The following MAPK6 variants were observed in gnomAD, a reference collection of about 807,000 sequenced individuals.
MAPK6 encodes the protein mitogen-activated protein kinase 6.
MAPK6 carries 19 observed loss-of-function variants against 59.3 expected under a neutral mutation model. The observed-to-expected ratio is 0.32, with a 90% CI of 0.22 to 0.47. The LOEUF is 0.47. Ranked by LOEUF, MAPK6 falls within the 20% of genes least tolerant of loss-of-function variation. The pLI is 1.00. For missense variants in MAPK6, 724 were observed against 847.9 expected, an observed-to-expected ratio of 0.85 and a Z score of 1.81; for synonymous variants, 316 against 290.3, an observed-to-expected ratio of 1.09 and a Z score of -0.90.
intron 1 of MAPK6, among the ~76,000 whole-genome samples, chr15:51,977,249 C>T (rs1173933128): frequency 6.6e-6 from 1 of 151,688 alleles, no homozygotes; most frequent in Non-Finnish European, 1.5e-5. Flanking sequence ...GCAATCCATC[C>T]ACCTTGGCCT....
chr15:51,999,460 T>C lies in MAPK6; in HGVS notation c.-769-4805T>C, dbSNP rs142025861. Among the ~76,000 whole-genome samples the C allele has an allele frequency of 7.1e-4, 108 of 152,348 alleles. 1 individual carries two copies. The highest frequency in any genetic ancestry group is 2.4e-3 in the African/African-American group (101 of 41,582). On this transcript the variant is annotated intron_variant, in intron 2 of 7. Transcript: ENST00000691380. ...AGAAATGTCTATCAAATCCTTTGCC[T>C]ATTGTAAAAATGAGTTATTTATTTT...
intron 2 of MAPK6, among the ~76,000 whole-genome samples, chr15:51,992,679 T>C (rs1201060435): frequency 6.6e-6 from 1 of 152,060 alleles, no homozygotes; most frequent in African/African-American, 2.4e-5. Flanking sequence ...AGCTATAAAG[T>C]GGGGTTTCCA....
At chr15:51,978,371 T>C (rs2057163098) in intron 1 of MAPK6, among the ~76,000 whole-genome samples, 1 of 151,866 alleles carries the variant, frequency 6.6e-6, no homozygotes, top group South Asian at 2.1e-4. Context: ...TGACCTCAGG[T>C]GATCCACCGG....
intron 1 of MAPK6, among the ~76,000 whole-genome samples, chr15:52,020,885 G>A (rs2030502173): frequency 6.6e-6 from 1 of 152,120 alleles, no homozygotes; most frequent in African/African-American, 2.4e-5. Flanking sequence ...ATTCATTGAT[G>A]TCCTGAATTC....
chr15:51,985,075 A>T (rs1448691054), intron 2 of MAPK6, among the ~76,000 whole-genome samples: 4 of 152,238 alleles, frequency 2.6e-5, no homozygotes, highest in African/African-American at 9.6e-5. Flanking sequence ...AAAATTGTTG[A>T]CTGAGTGTGG....
chr15:52,030,831 A>G lies in MAPK6; in HGVS notation c.-632+11455A>G, dbSNP rs1253128486. ...TTTTGAGACAGGCTCTCAGTCTGTTACCCAGGCTGGAATGCAGTGGCGTGA... is the reference window on the plus strand; with the variant it reads ...TTTTGAGACAGGCTCTCAGTCTGTTGCCCAGGCTGGAATGCAGTGGCGTGA... On this transcript the variant is annotated intron_variant, in intron 1 of 5. Coordinates refer to ENST00000261845, the MANE Select transcript of MAPK6 (RefSeq NM_002748.4). 2.1e-5 allele frequency among the ~76,000 whole-genome samples: 3 copies of G among 143,074 alleles called. No homozygotes were observed. The East Asian group carries it at 6.1e-4, about 29-fold the overall frequency. The allele number at this position is 143,074 out of a possible 152,430, so 93.9% of individuals were successfully genotyped here.
At chr15:52,049,669 C>G (rs1214082593) in intron 2 of MAPK6, among the ~76,000 whole-genome samples, 1 of 147,740 alleles carries the variant, frequency 6.8e-6, no homozygotes, top group East Asian at 2.0e-4. Flanking sequence ...GGGCGGAGTG[C>G]AGTGGCACAA....
At chr15:52,010,160 G>A (rs1179247759) in intron 3 of MAPK6, among the ~76,000 whole-genome samples, 2 of 152,074 alleles carry the variant, frequency 1.3e-5, no homozygotes, top group South Asian at 2.1e-4. Context: ...TACCTGAAAC[G>A]GGCTACTTGG....
chr15:52,005,753 C>G (rs944989238), intron 3 of MAPK6, among the ~76,000 whole-genome samples: 2 of 152,116 alleles, frequency 1.3e-5, no homozygotes, highest in African/African-American at 4.8e-5. Context: ...GATTAAATGA[C>G]TTGCCTGGAA....
At chr15:52,026,253 C>A (rs1030829044) in intron 1 of MAPK6, among the ~76,000 whole-genome samples, 1 of 152,136 alleles carries the variant, frequency 6.6e-6, no homozygotes, top group East Asian at 1.9e-4. Context: ...TTCCAGGTAC[C>A]GAAACAGTGG....
chr15:52,046,955 G>A lies in MAPK6; in HGVS notation c.495G>A (p.Leu165=), dbSNP rs1279002590. ...PANLFINTED[L]VLKIGDFGLA... ...ATCTTTTCATTAATACGGAAGACTT[G>A]GTGCTGAAGATAGGTGACTTTGGTC... Residue 165 remains leucine (L), a synonymous_variant, in exon 2 of 6, where the codon TTG becomes TTA. Transcript: ENST00000261845. 2 of 1,610,644 alleles carry A rather than the reference G, an allele frequency of 1.2e-6. No individual in the cohort carries two copies. Among genetic ancestry groups the A allele is most frequent in the Non-Finnish European group, 1.7e-6 (2 of 1,178,390 alleles).
At chr15:52,037,780 G>A (rs569417466) in intron 1 of MAPK6, among the ~76,000 whole-genome samples, 3 of 152,246 alleles carry the variant, frequency 2.0e-5, no homozygotes, top group East Asian at 3.9e-4. Context: ...AAAAATTCGA[G>A]GATAGGACTT....
chr15:52,053,070 G>GTTT (rs140172832), intron 3 of MAPK6, among the ~76,000 whole-genome samples: 15 of 125,342 alleles, frequency 1.2e-4, no homozygotes, highest in Admixed American at 1.6e-4. Flanking sequence ...TCTCATTGTG[G>GTTT]TTTTTTTTTT....
intron 1 of MAPK6, among the ~76,000 whole-genome samples, chr15:51,975,971 A>T (rs1315930713): frequency 6.6e-6 from 1 of 151,884 alleles, no homozygotes. Flanking sequence ...TTCTTCATAT[A>T]AAAGAGTTTG....
At chr15:52,025,477 G>A (rs2030734220) in intron 1 of MAPK6, among the ~76,000 whole-genome samples, 1 of 152,180 alleles carries the variant, frequency 6.6e-6, no homozygotes, top group Non-Finnish European at 1.5e-5. Flanking sequence ...GTGCACTTGA[G>A]GAATTGAATT....
At chr15:51,993,529 A>G (rs1005062513) in intron 2 of MAPK6, among the ~76,000 whole-genome samples, 2 of 152,196 alleles carry the variant, frequency 1.3e-5, no homozygotes, top group Admixed American at 6.6e-5. Context: ...AAAAACTAGA[A>G]GAATTATTTG....
At chr15:51,987,058 G>A (rs528398918) in intron 2 of MAPK6, among the ~76,000 whole-genome samples, 100 of 152,196 alleles carry the variant, frequency 6.6e-4, no homozygotes, top group African/African-American at 2.4e-3. Context: ...TTATAAAAAC[G>A]TATTACCATA....
At chr15:52,058,111 A>C (rs2032054236) in intron 3 of MAPK6, among the ~76,000 whole-genome samples, 1 of 152,218 alleles carries the variant, frequency 6.6e-6, no homozygotes, top group Non-Finnish European at 1.5e-5. Context: ...GAATTTTTAA[A>C]AGTCACCACC....
At chr15:52,030,423 A>G (rs907182912) in intron 1 of MAPK6, among the ~76,000 whole-genome samples, 2 of 152,124 alleles carry the variant, frequency 1.3e-5, no homozygotes, top group Non-Finnish European at 2.9e-5. Flanking sequence ...AAATCTCAGA[A>G]GGGAAAAACT....
Sources: allele counts gnomAD v4.1 joint callset (sites outside exome capture counted in the v4.1 genomes callset), GRCh38; gene constraint gnomAD v4.1.1; transcripts MANE v1.5; gene names NCBI Gene and HGNC (gene_info 2026-07-23, HGNC 2026-07-21).